The following RBMXL3 variants were observed in gnomAD, a reference collection of about 807,000 sequenced individuals.
RBMXL3 encodes the protein RNA-binding motif protein, X-linked-like-3.
In RBMXL3, 2 loss-of-function variants were observed where a neutral mutation model predicts 0.8. That is an observed-to-expected ratio of 2.54 (90% CI 1.04 to 8.00). The LOEUF (loss-of-function observed/expected upper bound fraction) is 8.00. Ranked by LOEUF, RBMXL3 falls within the 30% of genes most tolerant of loss-of-function variation. The probability of loss-of-function intolerance (pLI) is 0.04; values close to 1 mark genes in which losing one functional copy is unlikely to be tolerated. For missense variants in RBMXL3, 1,127 were observed against 1,068.0 expected (o/e 1.06, Z -0.77); for synonymous variants, 447 against 449.8 (o/e 0.99, Z 0.08).
Position 115,191,049 on chromosome X carries a change from T to C in RBMXL3, c.1608T>C (p.Ser536=), listed in dbSNP as rs1382028498. The change falls in exon 1 of 1, where the codon AGT becomes AGC. Residue 536 remains serine, a synonymous_variant. Transcript: ENST00000424776. ...SPDTHSGGHS[S]SSNSYGQSHR... is the part of the protein sequence containing the mutation. Reference sequence around the variant, plus strand: ...ACACCCACAGTGGGGGCCACAGCAGTTCCAGCAACAGTTACGGCCAGAGCC... The same window carrying C: ...ACACCCACAGTGGGGGCCACAGCAGCTCCAGCAACAGTTACGGCCAGAGCC... The C allele has an allele frequency of 6.0e-6, 7 of 1,160,013 alleles. No homozygotes were observed. The East Asian group carries it at 2.3e-4, about 38-fold the overall frequency.
At position 115,192,430 on chromosome X, in the gene RBMXL3, G is replaced by A. The variant is rs782564395; in HGVS notation, c.2989G>A (p.Asp997Asn). The change falls in exon 1 of 1, where the codon GAC becomes AAC. Residue 997 changes from aspartate (D) to asparagine (N), a missense_variant. Coordinates refer to ENST00000424776, the MANE Select transcript of RBMXL3 (RefSeq NM_001145346.2). Reference protein sequence around the residue: ...QGSLPDAYSGDHDRSSNSYGR... With the variant: ...QGSLPDAYSGNHDRSSNSYGR... ...CAGCTTGCCTGACGCCTACAGCGGC[G>A]ACCACGACAGATCCAGCAACAGTTA... 5 of 1,166,220 alleles carry A rather than the reference G, an allele frequency of 4.3e-6. No homozygotes were observed. The highest frequency in any genetic ancestry group is 1.9e-5 in the South Asian group (1 of 52,579).
rs1556557458 is a variant in RBMXL3 at position 115,190,567 on chromosome X, G to A, written c.1126G>A (p.Gly376Ser). The change falls in exon 1 of 1, where the codon GGT (glycine) becomes AGT (serine). Residue 376 changes from glycine to serine, a missense_variant. Physicochemically the swap from Gly to Ser is moderately conservative, Grantham distance 56 (BLOSUM62 0). Transcript: ENST00000424776. Reference protein sequence around the residue: ...YSGGRSSSSNGYSRSDRYGEE... With the variant: ...YSGGRSSSSNSYSRSDRYGEE... ...TGGGGGCCGCAGCAGTTCCAGTAACGGTTACAGCCGGAGTGACCGCTACGG... is the reference window on the plus strand; with the variant it reads ...TGGGGGCCGCAGCAGTTCCAGTAACAGTTACAGCCGGAGTGACCGCTACGG... 1.5e-5 allele frequency: 17 copies of A among 1,165,118 alleles called. No homozygotes were observed. The highest frequency in any genetic ancestry group is 3.3e-5 in the East Asian group (1 of 30,643).
At position 115,189,829 on chromosome X, in the gene RBMXL3, G is replaced by C. The variant is rs1569515585; in HGVS notation, c.388G>C (p.Gly130Arg). The C allele has an allele frequency of 8.6e-7, 1 of 1,167,213 alleles. No individual in the cohort carries two copies. The highest frequency in any genetic ancestry group is 1.1e-6 in the Non-Finnish European group (1 of 873,053). Residue 130 changes from glycine to arginine, a missense_variant, in exon 1 of 1, where the codon GGC (glycine) becomes CGC (arginine). Coordinates refer to ENST00000424776, the MANE Select transcript of RBMXL3 (RefSeq NM_001145346.2). Reference sequence around the variant, plus strand: ...CCCCTCTCAGGGCAGGCCTGATGACGGCCGCGGCTACGCGGGGTATTTCGA... The same window carrying C: ...CCCCTCTCAGGGCAGGCCTGATGACCGCCGCGGCTACGCGGGGTATTTCGA... ...RPPSQGRPDDGRGYAGYFDLW... is the reference protein window; with the variant it reads ...RPPSQGRPDDRRGYAGYFDLW...
chrX:115,190,754 G>A lies in RBMXL3; in HGVS notation c.1313G>A (p.Arg438His), dbSNP rs1244149161. 45 of 1,164,024 alleles carry A rather than the reference G, an allele frequency of 3.9e-5. No homozygotes were observed. The Middle Eastern group carries it at 7.0e-4, about 18-fold the overall frequency. Residue 438 changes from arginine (R) to histidine (H), a missense_variant, in exon 1 of 1, where the codon CGC (arginine) becomes CAC (histidine). Arg to His is a conservative substitution (Grantham distance 29). Coordinates refer to ENST00000424776, the MANE Select transcript of RBMXL3 (RefSeq NM_001145346.2). ...TCACACGAGGCCCGCAGCGGGGGCC[G>A]CTCCACTGATGCCCACAGCAGGGGC... ...GRSHEARSGG[R>H]STDAHSRGRS... is the part of the protein sequence containing the mutation.
Position 115,190,946 on chromosome X carries a change from A to T in RBMXL3, c.1505A>T (p.Asp502Val). 1 of 1,164,031 alleles carries T rather than the reference A, an allele frequency of 8.6e-7. No homozygotes were observed. The highest frequency in any genetic ancestry group is 1.1e-6 in the Non-Finnish European group (1 of 872,041). Reference protein sequence around the residue: ...SGGHDNSSWSDRYGVGGHYEE... With the variant: ...SGGHDNSSWSVRYGVGGHYEE... ...GGCCACGACAATTCCAGCTGGAGCG[A>T]CCGCTACGGAGTAGGAGGCCACTAT... The change falls in exon 1 of 1, where the codon GAC (aspartate) becomes GTC (valine). Residue 502 changes from aspartate to valine, a missense_variant. Transcript: ENST00000424776.
In RBMXL3 at chrX:115,190,930, A is replaced by G; in HGVS notation, c.1489A>G (p.Asn497Asp). 1 of 1,160,493 alleles carries G rather than the reference A, an allele frequency of 8.6e-7. No homozygotes were observed. The highest frequency in any genetic ancestry group is 1.1e-6 in the Non-Finnish European group (1 of 871,136). The change falls in exon 1 of 1, where the codon AAT (asparagine) becomes GAT (aspartate). Residue 497 changes from asparagine (N) to aspartate (D), a missense_variant. By Grantham distance (23) the Asn-to-Asp change is conservative (BLOSUM62 1). Transcript: ENST00000424776. Reference sequence around the variant, plus strand: ...CGAGGCCTACAGTGGGGGCCACGACAATTCCAGCTGGAGCGACCGCTACGG... The same window carrying G: ...CGAGGCCTACAGTGGGGGCCACGACGATTCCAGCTGGAGCGACCGCTACGG... ...SPEAYSGGHD[N>D]SSWSDRYGVG...
chrX:115,190,328 G>T lies in RBMXL3; in HGVS notation c.887G>T (p.Ser296Ile). 2 of 1,158,440 alleles carry T rather than the reference G, an allele frequency of 1.7e-6. No homozygotes were observed. The highest frequency in any genetic ancestry group is 2.3e-6 in the Non-Finnish European group (2 of 868,126). Reference sequence around the variant, plus strand: ...GACCATGAGTACACAGATCATCCCAGCAAAGGCTCCTACCGAGAGCCCCTC... The same window carrying T: ...GACCATGAGTACACAGATCATCCCATCAAAGGCTCCTACCGAGAGCCCCTC... ...GRDHEYTDHP[S>I]KGSYREPLKS... Residue 296 changes from serine (S) to isoleucine (I), a missense_variant, in exon 1 of 1, where the codon AGC becomes ATC. Ser to Ile is a moderately radical substitution (Grantham distance 142, BLOSUM62 -2). Transcript: ENST00000424776.
In RBMXL3 at chrX:115,191,341, C is replaced by T. The variant is rs782360190; in HGVS notation, c.1900C>T (p.Arg634Ter). ...AGGAGGAGGCCGCTACGAGGAGTAC[C>T]GAGGCCGCTCCCTTGATGCCAACAG... Reference protein sequence around the residue: ...YGGGGRYEEYRGRSLDANSGG... With the variant: ...YGGGGRYEEY Residue 634 changes from arginine (R) to a stop codon, truncating the protein, a stop_gained, in exon 1 of 1, where the codon CGA (arginine) becomes TGA (stop). Coordinates refer to ENST00000424776, the MANE Select transcript of RBMXL3 (RefSeq NM_001145346.2). LOFTEE classifies it low-confidence loss of function (END_TRUNC). 8 of 1,147,210 alleles carry T rather than the reference C, an allele frequency of 7.0e-6. No homozygotes were observed. Among genetic ancestry groups the T allele is most frequent in the South Asian group, 3.9e-5 (2 of 51,553 alleles). 94.5% of individuals were successfully genotyped at this position (1,147,210 alleles called of 1,213,427 possible). A position where few individuals can be genotyped will look rare whatever the true frequency, so the allele number is the denominator to read the frequency against.
rs1327052767 is a variant in RBMXL3, at chrX:115,192,299, G to A, written c.2858G>A (p.Arg953Gln). The change falls in exon 1 of 1, where the codon CGA becomes CAA. Residue 953 changes from arginine (R) to glutamine (Q), a missense_variant. By Grantham distance (43) the Arg-to-Gln change is conservative. Coordinates refer to ENST00000424776, the MANE Select transcript of RBMXL3 (RefSeq NM_001145346.2). ...YGGGGRYEEY[R>Q]GPSPDAHSGG... ...GGAGGAGGCCGCTACGAGGAGTACC[G>A]AGGCCCCTCGCCTGACGCCCACAGT... 3.2e-5 allele frequency: 37 copies of A among 1,163,636 alleles called. 1 individual carries two copies. The highest frequency in any genetic ancestry group is 1.8e-4 in the Admixed American group (7 of 38,365).
rs2072841920 is a variant in RBMXL3 at position 115,192,205 on chromosome X, A to G, written c.2764A>G (p.Asn922Asp). The G allele has an allele frequency of 8.6e-7, 1 of 1,163,183 alleles. No homozygotes were observed. Among genetic ancestry groups the G allele is most frequent in the Non-Finnish European group, 1.1e-6 (1 of 871,908 alleles). Residue 922 changes from asparagine (N) to aspartate (D), a missense_variant, in exon 1 of 1, where the codon AAT (asparagine) becomes GAT (aspartate). Physicochemically the swap from Asn to Asp is conservative, Grantham distance 23. Coordinates refer to ENST00000424776, the MANE Select transcript of RBMXL3 (RefSeq NM_001145346.2). ...CGAGGAATACCAAGGCCGCTCGCCC[A>G]ATGCCTACGGCGGGGGCCGCGGCCT... is the stretch of plus-strand genomic sequence containing the variant. ...CYEEYQGRSP[N>D]AYGGGRGLNS...
chrX:115,192,590 G>A lies in RBMXL3; in HGVS notation c.3149G>A (p.Gly1050Asp), dbSNP rs782333242. The stretch of plus-strand genomic sequence containing the variant: ...CGGTCAGGCTGCAGGGTGCCCAGGG[G>A]CGGAGGCCGTCAAGGAGGCCGCTTC... ...YSRSGCRVPR[G>D]GGRQGGRFER... Residue 1050 changes from glycine (G) to aspartate (D), a missense_variant, in exon 1 of 1, where the codon GGC becomes GAC. Transcript: ENST00000424776. The A allele has an allele frequency of 9.2e-5, 108 of 1,170,153 alleles. No homozygotes were observed. The highest frequency in any genetic ancestry group is 1.1e-4 in the Non-Finnish European group (98 of 874,630).
At position 115,189,453 on chromosome X, in the gene RBMXL3, G is replaced by A. The variant is rs1247546185; in HGVS notation, c.12G>A (p.Ala4=). 5 of 1,171,738 alleles carry A rather than the reference G, an allele frequency of 4.3e-6. No homozygotes were observed. The highest frequency in any genetic ancestry group is 1.9e-5 in the South Asian group (1 of 52,690). The change falls in exon 1 of 1, where the codon GCG becomes GCA. Residue 4 remains alanine (A), a synonymous_variant. Transcript: ENST00000424776. ...TTCGGCAGGGAGACATGATGGAAGC[G>A]GATCGCCCAGAGAAGCTTTTCATTG... MME[A]DRPEKLFIGG...
rs1556559364 is a variant in RBMXL3, at chrX:115,191,455, T to C, written c.2014T>C (p.Tyr672His). The C allele has an allele frequency of 1.8e-6, 2 of 1,133,778 alleles. No individual in the cohort carries two copies. The highest frequency in any genetic ancestry group is 2.0e-5 in the African/African-American group (1 of 49,057). The allele number at this position is 1,133,778 out of a possible 1,213,427, so 93.4% of individuals were successfully genotyped here. ...CGGAGGAGGAGGCCGCTACGAGGAG[T>C]ACCGAGGCCGCTTGCTCGATGCCAA... ...CYGGGGRYEE[Y>H]RGRLLDANSG... Residue 672 changes from tyrosine (Y) to histidine (H), a missense_variant, in exon 1 of 1, where the codon TAC becomes CAC. Physicochemically the swap from Tyr to His is moderately conservative, Grantham distance 83. Transcript: ENST00000424776.
At position 115,191,612 on chromosome X, in the gene RBMXL3, C is replaced by CACCCAAT. The variant is rs2072823849; in HGVS notation, c.2171_2172insACCCAAT (p.Asp726AsnfsTer3). On this transcript the variant is annotated frameshift_variant, in exon 1 of 1. Coordinates refer to ENST00000424776, the MANE Select transcript of RBMXL3 (RefSeq NM_001145346.2). LOFTEE classifies it low-confidence loss of function (END_TRUNC). ...CTTGATGCCAACAGCGGAGGCCGCT[C>CACCCAAT]GCCTGACACCTACAGCCGGGGCCAC... is the stretch of plus-strand genomic sequence containing the variant. The CACCCAAT allele has an allele frequency of 9.2e-7, 1 of 1,085,847 alleles. No homozygotes were observed. The highest frequency in any genetic ancestry group is 1.2e-6 in the Non-Finnish European group (1 of 819,233). 89.5% of individuals were successfully genotyped at this position (1,085,847 alleles called of 1,213,427 possible). A position where few individuals can be genotyped will look rare whatever the true frequency, so the allele number is the denominator to read the frequency against.
At position 115,190,780 on chromosome X, in the gene RBMXL3, C is replaced by T. The variant is rs782438431; in HGVS notation, c.1339C>T (p.Arg447Trp). ...CTCCACTGATGCCCACAGCAGGGGC[C>T]GGTCCGACGACGCCTACAGTGGGGG... ...GRSTDAHSRG[R>W]SDDAYSGGHD... The change falls in exon 1 of 1, where the codon CGG becomes TGG. Residue 447 changes from arginine to tryptophan, a missense_variant. Arg to Trp is a moderately radical substitution (Grantham distance 101). Coordinates refer to ENST00000424776, the MANE Select transcript of RBMXL3 (RefSeq NM_001145346.2). The T allele has an allele frequency of 2.6e-4, 298 of 1,164,459 alleles. No individual in the cohort carries two copies. In the African/African-American group the frequency reaches 4.3e-3, roughly 17 times the overall value.
chrX:115,191,214 CGAG>C lies in RBMXL3; in HGVS notation c.1777_1779del (p.Glu593del). ...ACCGCTACGGAGGAGGAGGCTGCTA[CGAG>C]GAGTACCGAGGCCGCTCCCTCGATG... On this transcript the variant is annotated inframe_deletion, in exon 1 of 1. Transcript: ENST00000424776. 8.7e-7 allele frequency: 1 copy of C among 1,147,574 alleles called. No individual in the cohort carries two copies. Among genetic ancestry groups the C allele is most frequent in the Non-Finnish European group, 1.2e-6 (1 of 864,382 alleles). The allele number at this position is 1,147,574 out of a possible 1,213,427, so 94.6% of individuals were successfully genotyped here. A position where few individuals can be genotyped will look rare whatever the true frequency, so the allele number is the denominator to read the frequency against.
rs1223315751 is a variant in RBMXL3 at position 115,189,953 on chromosome X, C to T, written c.512C>T (p.Ala171Val). ...AAGAGGGCCACGCCGTCGAGCCTGG[C>T]TCACAGCGTTGGCTGTGGAATGCGC... is the stretch of plus-strand genomic sequence containing the variant. Reference protein sequence around the residue: ...PHKRATPSSLAHSVGCGMRGK... With the variant: ...PHKRATPSSLVHSVGCGMRGK... The change falls in exon 1 of 1, where the codon GCT becomes GTT. Residue 171 changes from alanine to valine, a missense_variant. Ala to Val is a moderately conservative substitution (Grantham distance 64). Transcript: ENST00000424776. 3.4e-6 allele frequency: 4 copies of T among 1,160,816 alleles called. No individual in the cohort carries two copies. The East Asian group carries it at 1.3e-4, about 38-fold the overall frequency.
rs782239266 is a variant in RBMXL3 at position 115,191,230 on chromosome X, C to T, written c.1789C>T (p.Arg597Cys). Reference protein sequence around the residue: ...GGGCYEEYRGRSLDANSGGRS... With the variant: ...GGGCYEEYRGCSLDANSGGRS... ...AGGCTGCTACGAGGAGTACCGAGGC[C>T]GCTCCCTCGATGCCAACAGTGGAGG... The change falls in exon 1 of 1, where the codon CGC (arginine) becomes TGC (cysteine). Residue 597 changes from arginine to cysteine, a missense_variant. Arg to Cys is a radical substitution (Grantham distance 180). Coordinates refer to ENST00000424776, the MANE Select transcript of RBMXL3 (RefSeq NM_001145346.2). 30 of 1,153,384 alleles carry T rather than the reference C, an allele frequency of 2.6e-5. No individual in the cohort carries two copies. The highest frequency in any genetic ancestry group is 5.8e-5 in the South Asian group (3 of 51,864).
In RBMXL3 at chrX:115,189,998, C is replaced by T. The variant is rs1385235583; in HGVS notation, c.557C>T (p.Ser186Leu). The T allele has an allele frequency of 6.0e-6, 7 of 1,161,687 alleles. No homozygotes were observed. Among genetic ancestry groups the T allele is most frequent in the Non-Finnish European group, 8.0e-6 (7 of 870,992 alleles). Residue 186 changes from serine to leucine, a missense_variant, in exon 1 of 1, where the codon TCG (serine) becomes TTG (leucine). Coordinates refer to ENST00000424776, the MANE Select transcript of RBMXL3 (RefSeq NM_001145346.2). ...ATGCGCGGGAAGGCACCGACTGTGT[C>T]GGGGCAAGATGGCTACTCAGGCTTG... ...CGMRGKAPTV[S>L]GQDGYSGLQP...
Sources: allele counts gnomAD v4.1 joint callset, GRCh38; gene constraint gnomAD v4.1.1; transcripts MANE v1.5; gene names NCBI Gene and HGNC (gene_info 2026-07-23, HGNC 2026-07-21).